Variants in COQ2 observed in about 807,000 individuals in gnomAD.
COQ2 encodes coenzyme Q2, polyprenyltransferase.
COQ2 carries 25 observed loss-of-function variants against 35.7 expected under a neutral mutation model. That is an observed-to-expected ratio of 0.70 (90% confidence interval 0.51 to 0.98). The LOEUF (loss-of-function observed/expected upper bound fraction) is 0.98. COQ2 is among the 50% of genes least tolerant of loss of function. The pLI is 0.00. For synonymous variants in COQ2, 206 were observed against 186.2 expected (o/e 1.11, Z -0.86); for missense variants, 488 against 473.5 (o/e 1.03, Z -0.28).
At chr4:83,270,161 T>A (rs2126172490) in intron 4 of COQ2, among the ~76,000 whole-genome samples, 168 bp from the exon 5 acceptor site, 2 of 149,642 alleles carry the variant, frequency 1.3e-5, no homozygotes, top group East Asian at 4.0e-4. Context: ...TGGTACTTAT[T>A]AGCTCCATTT....
rs368507578 is a variant in COQ2 at position 83,284,576 on chromosome 4, C to A, written c.189G>T (p.Val63=). ...GRQLSLSAAA[V]VDSAPRPLQP... The stretch of plus-strand genomic sequence containing the variant: ...GCAGGGGGCGGGGCGCAGAGTCCAC[C>A]ACCGCCGCCGCGGACAAACTGAGCT... The change falls in exon 1 of 7, where the codon GTG becomes GTT. Residue 63 remains valine (V), a synonymous_variant. Transcript: ENST00000647002. 1,922 of 1,553,630 alleles carry A rather than the reference C, an allele frequency of 1.2e-3. 17 individuals carry two copies. The African/African-American group carries it at 0.022, about 18-fold the overall frequency.
At chr4:83,283,802 A>T (rs550480771) in intron 1 of COQ2, 1 of 985,488 alleles carries the variant, frequency 1.0e-6, no homozygotes, top group South Asian at 4.7e-5. Flanking sequence ...GAGTGCTATT[A>T]AGAAAAATTG....
At chr4:83,277,338 T>C (rs768638993) in intron 2 of COQ2, among the ~76,000 whole-genome samples, 7 of 152,176 alleles carry the variant, frequency 4.6e-5, no homozygotes, top group Non-Finnish European at 1.0e-4. Context: ...TAGTTGCTGC[T>C]ATCAAACGCA....
intron 6 of COQ2, among the ~76,000 whole-genome samples, chr4:83,265,223 C>T (rs1734884531): frequency 6.6e-6 from 1 of 152,156 alleles, no homozygotes; most frequent in Non-Finnish European, 1.5e-5. Context: ...TCATGATTTC[C>T]TTTCTCTTTA....
At chr4:83,283,855 G>T (rs4235058) in intron 1 of COQ2, 1 of 985,402 alleles carries the variant, frequency 1.0e-6, no homozygotes. Context: ...TGTTAATTAA[G>T]ATAGGAAGGT....
intron 6 of COQ2, 105 bp from the exon 7 acceptor site, chr4:83,264,468 C>G: frequency 6.9e-7 from 1 of 1,454,858 alleles, no homozygotes; most frequent in Non-Finnish European, 9.0e-7. Context: ...ACAAAAAATA[C>G]AAATATAAAA....
rs1035927985 is a variant in COQ2 at position 83,264,134 on chromosome 4, T to C, written c.*65A>G. 1.9e-5 allele frequency: 16 copies of C among 859,004 alleles called. No individual in the cohort carries two copies. The highest frequency in any genetic ancestry group is 3.0e-5 in the East Asian group (1 of 33,438). The allele number at this position is 859,004 out of a possible 1,614,324, so 53.2% of individuals were successfully genotyped here. On this transcript the variant is annotated 3_prime_UTR_variant, in exon 7 of 7. Coordinates refer to ENST00000647002, the MANE Select transcript of COQ2 (RefSeq NM_001358921.2). Reference sequence around the variant, plus strand: ...ATTCTTTAACATATTGTATCAGATTTTGTATTCAAATCTAATTATATTTTG... The same window carrying C: ...ATTCTTTAACATATTGTATCAGATTCTGTATTCAAATCTAATTATATTTTG...
At chr4:83,283,940 T>C (rs1577993206) in intron 1 of COQ2, 1 of 985,464 alleles carries the variant, frequency 1.0e-6, no homozygotes. Context: ...TGCGTTCAAA[T>C]GAATTAAATC....
intron 4 of COQ2, among the ~76,000 whole-genome samples, chr4:83,270,345 T>C (rs773721095): frequency 4.6e-5 from 7 of 152,146 alleles, no homozygotes; most frequent in Non-Finnish European, 8.8e-5. Context: ...TGAACTTACA[T>C]CTCTCTGACT....
At chr4:83,274,218 T>C (rs778713932) in intron 2 of COQ2, among the ~76,000 whole-genome samples, 12 of 152,108 alleles carry the variant, frequency 7.9e-5, no homozygotes, top group African/African-American at 2.2e-4. Flanking sequence ...ACATGTTCAA[T>C]TTCCACAGAG....
intron 4 of COQ2, among the ~76,000 whole-genome samples, chr4:83,270,924 G>A (rs1220839099): frequency 1.3e-5 from 2 of 152,104 alleles, no homozygotes; most frequent in Admixed American, 1.3e-4. Flanking sequence ...TGCTTATATT[G>A]AGAATATAAT....
intron 1 of COQ2, chr4:83,283,229 C>T (rs976445795): frequency 1.1e-5 from 11 of 977,608 alleles, no homozygotes; most frequent in South Asian, 4.7e-5. Flanking sequence ...GGGTCTTGTA[C>T]GGGCAAAAGT....
At chr4:83,274,911 A>G (rs1735132186) in intron 2 of COQ2, among the ~76,000 whole-genome samples, 1 of 152,144 alleles carries the variant, frequency 6.6e-6, no homozygotes, top group African/African-American at 2.4e-5. Flanking sequence ...CAGTTCACTG[A>G]TTCCTTCCTC....
Position 83,280,167 on chromosome 4 carries a change from T to A in COQ2, c.254-1053A>T, listed in dbSNP as rs529815271. ...TTGCAGCTACATGTACAAATGGGGT[T>A]AGTTCTTAGTACTTAACCAATAAAC... On this transcript the variant is annotated intron_variant, in intron 1 of 6. Transcript: ENST00000647002. Among the ~76,000 whole-genome samples the A allele has an allele frequency of 2.0e-5, 3 of 152,316 alleles. No homozygotes were observed. In the South Asian group the frequency reaches 6.2e-4, roughly 32 times the overall value.
rs1735372750 is a variant in COQ2, at chr4:83,283,305, G to C, written c.253+1207C>G. The C allele has an allele frequency of 5.1e-6, 5 of 985,286 alleles. No individual in the cohort carries two copies. The South Asian group carries it at 2.3e-4, about 46-fold the overall frequency. 61.0% of individuals were successfully genotyped at this position (985,286 alleles called of 1,614,324 possible). A position where few individuals can be genotyped will look rare whatever the true frequency, so the allele number is the denominator to read the frequency against. ...CTGCAATGGCAAATGTCATCATCTA[G>C]ATTGGCTGGAGTTCATCCTTCACTT... is the stretch of plus-strand genomic sequence containing the variant. On this transcript the variant is annotated intron_variant, in intron 1 of 6. Coordinates refer to ENST00000647002, the MANE Select transcript of COQ2 (RefSeq NM_001358921.2).
At chr4:83,284,887 T>C, upstream of COQ2, 1 of 1,523,392 alleles carries the variant, frequency 6.6e-7, no homozygotes, top group Non-Finnish European at 8.8e-7. Context: ...GAACCTTTCC[T>C]CATCCTTACT....
chr4:83,269,837 T>C, intron 5 of COQ2, 23 bp downstream of exon 5: 1 of 1,519,800 alleles, frequency 6.6e-7, no homozygotes, highest in Non-Finnish European at 8.8e-7. Flanking sequence ...TAAACCAAAG[T>C]TAAGAAAAGA....
At chr4:83,283,074 G>A (rs898109766) in intron 1 of COQ2, among the ~76,000 whole-genome samples, 12 of 152,298 alleles carry the variant, frequency 7.9e-5, no homozygotes, top group African/African-American at 2.9e-4. Context: ...ACTCATGGGG[G>A]TCATACACAG....
chr4:83,281,562 G>C (rs962057320), intron 1 of COQ2: 1 of 152,140 alleles, frequency 6.6e-6, no homozygotes, highest in Non-Finnish European at 1.5e-5. Flanking sequence ...GTATCTTAAG[G>C]CTTAAGTCTT....
Sources: allele counts gnomAD v4.1 joint callset (sites outside exome capture counted in the v4.1 genomes callset), GRCh38; gene constraint gnomAD v4.1.1; transcripts MANE v1.5; gene names NCBI Gene and HGNC (gene_info 2026-07-23, HGNC 2026-07-21).